CD46: variants seen among roughly 807,000 people sequenced by gnomAD.
CD46 encodes membrane cofactor protein.
A neutral mutation model predicts 53.3 loss-of-function variants in CD46; 30 were observed. The observed-to-expected ratio is 0.56, with a 90% CI of 0.42 to 0.76. The LOEUF (loss-of-function observed/expected upper bound fraction) is 0.76. CD46 is among the 30% of genes least tolerant of loss of function. The pLI is 0.00. For synonymous variants in CD46, 142 were observed against 152.0 expected (o/e 0.93, Z 0.48); for missense variants, 409 against 463.0 (o/e 0.88, Z 1.07).
At position 207,767,185 on chromosome 1, in the gene CD46, G is replaced by A; in HGVS notation, c.846G>A (p.Lys282=). 1.2e-6 allele frequency: 2 copies of A among 1,613,350 alleles called. No individual in the cohort carries two copies. Among genetic ancestry groups the A allele is most frequent in the Non-Finnish European group, 8.5e-7 (1 of 1,179,284 alleles). ...SNSTWDPPVP[K]CLKVSTSSTT... ...GTACTTGGGATCCCCCAGTTCCAAA[G>A]TGTCTTAAAGGTACAAAGGTTATCT... The change falls in exon 6 of 13, where the codon AAG becomes AAA. Residue 282 remains lysine (K), a synonymous_variant. Transcript: ENST00000367042.
In CD46 at chr1:207,761,311, G is replaced by C; in HGVS notation, c.538G>C (p.Val180Leu). 6.2e-7 allele frequency: 1 copy of C among 1,613,328 alleles called. No individual in the cohort carries two copies. The highest frequency in any genetic ancestry group is 8.5e-7 in the Non-Finnish European group (1 of 1,179,290). ...NGKHTFSEVEVFEYLDAVTYS... is the reference protein window; with the variant it reads ...NGKHTFSEVELFEYLDAVTYS... ...AAAACACACCTTTAGTGAAGTAGAA[G>C]TATTTGAGTATCTTGATGCAGTAAC... is the stretch of plus-strand genomic sequence containing the variant. Residue 180 changes from valine to leucine, a missense_variant, in exon 5 of 13, where the codon GTA becomes CTA. Coordinates refer to ENST00000367042, the MANE Select transcript of CD46 (RefSeq NM_172351.3).
chr1:207,784,007 A>G (rs566612576), intron 9 of CD46, among the ~76,000 whole-genome samples: 1 of 152,348 alleles, frequency 6.6e-6, no homozygotes, highest in Non-Finnish European at 1.5e-5. Context: ...AGTTCTAAAA[A>G]TTAAGATTTT....
At position 207,752,653 on chromosome 1, in the gene CD46, T is replaced by C. The variant is rs1392008628; in HGVS notation, c.97+344T>C. Reference sequence around the variant, plus strand: ...GAGGGCTTGTTCTGGAGTGCACAGGTGCGTGGGAGTGTTGCTAGGGCCCGT... The same window carrying C: ...GAGGGCTTGTTCTGGAGTGCACAGGCGCGTGGGAGTGTTGCTAGGGCCCGT... On this transcript the variant is annotated intron_variant, in intron 1 of 12. Coordinates refer to ENST00000367042, the MANE Select transcript of CD46 (RefSeq NM_172351.3). This position sits in a 1 kb window ranked among gnomAD's most constrained non-coding sequence, Gnocchi z 4.1. Among the ~76,000 whole-genome samples the C allele has an allele frequency of 6.6e-6, 1 of 151,996 alleles. No individual in the cohort carries two copies. Among genetic ancestry groups the C allele is most frequent in the Non-Finnish European group, 1.5e-5 (1 of 67,978 alleles).
At chr1:207,785,128 AC>A in intron 10 of CD46, 22 bp downstream of exon 10, 1 of 1,575,612 alleles carries the variant, frequency 6.3e-7, no homozygotes, top group Non-Finnish European at 8.7e-7. Flanking sequence ...AAATTTTGAC[AC>A]CACTTAAGTC....
intron 5 of CD46, chr1:207,762,448 AAAAT>A: frequency 6.6e-6 from 1 of 152,330 alleles, no homozygotes; most frequent in Non-Finnish European, 1.5e-5. Context: ...AAAAGAAAAA[AAAAT>A]AGAGGAAATC....
At chr1:207,775,107 GTCT>G (rs1217512381) in intron 8 of CD46, among the ~76,000 whole-genome samples, 7 of 151,722 alleles carry the variant, frequency 4.6e-5, no homozygotes, top group African/African-American at 7.3e-5. Context: ...CTCTAATCTT[GTCT>G]TCTTTTTTTC....
At chr1:207,755,524 T>C (rs1193129273) in intron 1 of CD46, among the ~76,000 whole-genome samples, 1 of 152,230 alleles carries the variant, frequency 6.6e-6, no homozygotes, top group Non-Finnish European at 1.5e-5. Flanking sequence ...AGGAAACATG[T>C]ATCAAATTTC....
At chr1:207,787,635 T>C (rs1243100237) in intron 11 of CD46, among the ~76,000 whole-genome samples, 2 of 152,046 alleles carry the variant, frequency 1.3e-5, no homozygotes, top group Admixed American at 1.3e-4. Flanking sequence ...GTCCAGAAAA[T>C]GGTGTGAGAG....
chr1:207,793,334 AG>A (rs1183704328), intron 12 of CD46, among the ~76,000 whole-genome samples, 184 bp from the exon 13 acceptor site: 1 of 152,178 alleles, frequency 6.6e-6, no homozygotes, highest in East Asian at 1.9e-4. Context: ...GGATAAAGGA[AG>A]GTTTTTTTTA....
In CD46 at chr1:207,755,082, C is replaced by A. The variant is rs1051945183; in HGVS notation, c.98-1932C>A. Reference sequence around the variant, plus strand: ...GGCTGCAGTGAGCCCTGATCATACTCCAGCTTGGATAACAGAGCAAGAGAC... The same window carrying A: ...GGCTGCAGTGAGCCCTGATCATACTACAGCTTGGATAACAGAGCAAGAGAC... On this transcript the variant is annotated intron_variant, in intron 1 of 12. Transcript: ENST00000367042. Among the ~76,000 whole-genome samples, 6 of 151,920 alleles carry A rather than the reference C, an allele frequency of 3.9e-5. No homozygotes were observed. In the South Asian group the frequency reaches 1.0e-3, roughly 26 times the overall value.
intron 8 of CD46, among the ~76,000 whole-genome samples, chr1:207,772,219 T>C (rs931976068): frequency 6.6e-6 from 1 of 152,212 alleles, no homozygotes; most frequent in African/African-American, 2.4e-5. Context: ...TATTGGTGTA[T>C]AGGAATGCTT....
At chr1:207,764,400 C>G (rs1332380628) in intron 5 of CD46, among the ~76,000 whole-genome samples, 1 of 152,176 alleles carries the variant, frequency 6.6e-6, no homozygotes, top group East Asian at 1.9e-4. Context: ...TCTTGAGAGT[C>G]CTTGACGGCC....
At chr1:207,766,629 T>TACC (rs1229795065) in intron 5 of CD46, among the ~76,000 whole-genome samples, 2 of 152,138 alleles carry the variant, frequency 1.3e-5, no homozygotes, top group East Asian at 1.9e-4. Context: ...TATTAAAATT[T>TACC]ACCACCACCA....
chr1:207,774,751 C>T (rs566297648), intron 8 of CD46, among the ~76,000 whole-genome samples: 9 of 152,328 alleles, frequency 5.9e-5, no homozygotes, highest in Admixed American at 2.0e-4. Context: ...CTGAGACATC[C>T]GCTGATAGTT....
chr1:207,756,434 G>C (rs767826675), intron 1 of CD46, among the ~76,000 whole-genome samples: 5 of 152,152 alleles, frequency 3.3e-5, no homozygotes, highest in African/African-American at 1.2e-4. Context: ...GGGTTGTTTT[G>C]ATTTTCCCAG....
chr1:207,752,384 G>T lies in CD46; in HGVS notation c.97+75G>T. ...CTCAGTCGGGCAAGAGTCGCGGGGC[G>T]GGGCTCACAGCAGGCCGTGCCTGTT... On this transcript the variant is annotated intron_variant, in intron 1 of 12. Transcript: ENST00000367042. The surrounding 1 kb of genome is among the most constrained non-coding windows in gnomAD (Gnocchi z 4.1). 1 of 1,371,398 alleles carries T rather than the reference G, an allele frequency of 7.3e-7. No homozygotes were observed. 85.0% of individuals were successfully genotyped at this position (1,371,398 alleles called of 1,614,324 possible). A position where few individuals can be genotyped will look rare whatever the true frequency, so the allele number is the denominator to read the frequency against.
intron 11 of CD46, 95 bp downstream of exon 11, chr1:207,785,777 CTTT>C (rs63193962): frequency 0.38 from 256,995 of 673,390 alleles, 38,407 homozygotes; most frequent in East Asian, 0.56. Context: ...TGCATGCTAT[CTTT>C]TTTTTTTTTT....
chr1:207,763,955 C>CTTTTTTT (rs11345183), intron 5 of CD46, among the ~76,000 whole-genome samples: 3 of 126,594 alleles, frequency 2.4e-5, no homozygotes, highest in Admixed American at 7.7e-5. Flanking sequence ...AGCTGCTACA[C>CTTTTTTT]TTTTTTTTTT....
intron 12 of CD46, among the ~76,000 whole-genome samples, chr1:207,790,987 A>G (rs1307550347): frequency 6.6e-6 from 1 of 152,208 alleles, no homozygotes; most frequent in Non-Finnish European, 1.5e-5. Flanking sequence ...GGAGATACAT[A>G]TCCCACCTCT....
Sources: allele counts gnomAD v4.1 joint callset (sites outside exome capture counted in the v4.1 genomes callset), GRCh38; gene constraint gnomAD v4.1.1; non-coding constraint Gnocchi (gnomAD v3.1); transcripts MANE v1.5; gene names NCBI Gene and HGNC (gene_info 2026-07-23, HGNC 2026-07-21).